The following CSMD3 variants were observed in gnomAD, a reference collection of about 807,000 sequenced individuals.
CSMD3 encodes the protein CUB and Sushi multiple domains 3, also known as CUB and sushi domain-containing protein 3.
A neutral mutation model predicts 435.2 loss-of-function variants in CSMD3; 177 were observed. That is an observed-to-expected ratio of 0.41 (90% CI 0.36 to 0.46). The LOEUF (loss-of-function observed/expected upper bound fraction) is 0.46, where lower values mean the gene tolerates loss of function less well. Ranked by LOEUF, CSMD3 falls within the 20% of genes least tolerant of loss-of-function variation. The pLI is 0.34. For synonymous variants in CSMD3, 1,656 were observed against 1,520.5 expected, an observed-to-expected ratio of 1.09 and a Z score of -2.07; for missense variants, 4,265 against 4,504.6, an observed-to-expected ratio of 0.95 and a Z score of 1.52.
At chr8:113,065,454 T>G (rs1260845404) in intron 5 of CSMD3, among the ~76,000 whole-genome samples, 1 of 152,100 alleles carries the variant, frequency 6.6e-6, no homozygotes, top group East Asian at 1.9e-4. Context: ...TGGCGCGATC[T>G]CGGTTCACTG....
intron 2 of CSMD3, among the ~76,000 whole-genome samples, chr8:113,289,983 A>G (rs772235684): frequency 6.6e-6 from 1 of 151,672 alleles, no homozygotes. Flanking sequence ...ATTATTTTTT[A>G]TGCATTTAAA....
chr8:113,218,805 A>AT (rs1330000138), intron 3 of CSMD3, among the ~76,000 whole-genome samples: 5 of 150,942 alleles, frequency 3.3e-5, no homozygotes, highest in Non-Finnish European at 5.9e-5. Context: ...TCATATTTCA[A>AT]TTTTTTTTCA....
intron 10 of CSMD3, among the ~76,000 whole-genome samples, chr8:112,888,495 C>A (rs188544702): frequency 1.2e-3 from 180 of 151,674 alleles, no homozygotes; most frequent in Middle Eastern, 6.8e-3. Flanking sequence ...CAATGGGGAA[C>A]AGGTGAGGCG....
chr8:113,268,115 G>T (rs192407766), intron 3 of CSMD3, among the ~76,000 whole-genome samples: 17 of 151,724 alleles, frequency 1.1e-4, no homozygotes, highest in Admixed American at 5.3e-4. Context: ...AAGTGACTAT[G>T]CATCTGTCAA....
rs147169992 is a variant in CSMD3 at position 112,294,398 on chromosome 8, T to A, written c.8614+1435A>T. ...TATAATTACAACATATTTACAGTAC[T>A]TATTTACTAATAATAATTTTAATAT... On this transcript the variant is annotated intron_variant, in intron 54 of 70. Transcript: ENST00000297405. Among the ~76,000 whole-genome samples the A allele has an allele frequency of 1.4e-3, 215 of 152,216 alleles. 1 individual carries two copies. The highest frequency in any genetic ancestry group is 4.6e-3 in the Admixed American group (70 of 15,282).
chr8:112,959,803 T>C (rs2084162532), intron 7 of CSMD3, among the ~76,000 whole-genome samples: 1 of 151,900 alleles, frequency 6.6e-6, no homozygotes, highest in Non-Finnish European at 1.5e-5. Flanking sequence ...CTATTGACAA[T>C]AGATTTATTT....
rs913427743 is a variant in CSMD3, at chr8:113,041,371, C to T, written c.918-22192G>A. On this transcript the variant is annotated intron_variant, in intron 5 of 70. Transcript: ENST00000297405. ...GGAAGAGAAATGTTAGAATTCCACT[C>T]TCACTTCTCATCCACCCTCGCCTTG... Among the ~76,000 whole-genome samples the T allele has an allele frequency of 5.9e-5, 9 of 152,020 alleles. No individual in the cohort carries two copies. In the South Asian group the frequency reaches 8.3e-4, roughly 14 times the overall value.
intron 13 of CSMD3, among the ~76,000 whole-genome samples, chr8:112,757,790 A>T (rs1587198065): frequency 6.6e-6 from 1 of 150,944 alleles, no homozygotes; most frequent in Non-Finnish European, 1.5e-5. Flanking sequence ...ATGGTGGCTC[A>T]CACCTGTAAT....
At position 112,526,224 on chromosome 8, in the gene CSMD3, G is replaced by A. The variant is rs138475545; in HGVS notation, c.4565-8999C>T. ...AATGAATAGCTATCAAAATGTAAAC[G>A]TTTTATTTTCAAAATCATTCAATAT... On this transcript the variant is annotated intron_variant, in intron 27 of 70. Coordinates refer to ENST00000297405, the MANE Select transcript of CSMD3 (RefSeq NM_198123.2). Among the ~76,000 whole-genome samples the A allele has an allele frequency of 1.1e-3, 167 of 151,858 alleles. 3 individuals are homozygous for A. The East Asian group carries it at 0.027, about 25-fold the overall frequency.
intron 3 of CSMD3, among the ~76,000 whole-genome samples, chr8:113,187,183 C>G (rs1049282350): frequency 6.6e-6 from 1 of 150,902 alleles, no homozygotes; most frequent in Admixed American, 6.6e-5. Context: ...TCCTTTTTCA[C>G]CCAGTAAATT....
intron 35 of CSMD3, among the ~76,000 whole-genome samples, chr8:112,398,345 G>A (rs1831027240): frequency 6.6e-6 from 1 of 152,102 alleles, no homozygotes; most frequent in Admixed American, 6.6e-5. Flanking sequence ...AGCTCTCACA[G>A]GTTAGAGTTG....
intron 21 of CSMD3, among the ~76,000 whole-genome samples, chr8:112,637,624 G>T (rs1341323722): frequency 1.3e-5 from 2 of 151,786 alleles, no homozygotes; most frequent in Non-Finnish European, 2.9e-5. Context: ...CAGTCTTCAG[G>T]GTATGAAAAG....
chr8:112,379,124 AT>A (rs1384681475), intron 38 of CSMD3, among the ~76,000 whole-genome samples: 1 of 152,200 alleles, frequency 6.6e-6, no homozygotes, highest in East Asian at 1.9e-4. Flanking sequence ...AAATAATAAA[AT>A]ACTTTAGAAT....
Position 113,368,393 on chromosome 8 carries a change from T to C in CSMD3, c.179-53600A>G, listed in dbSNP as rs11985821. The stretch of plus-strand genomic sequence containing the variant: ...TACTAGACTTATCACTGGTCTTCAG[T>C]CCCCAGAACTTTACACTTAGCAACA... On this transcript the variant is annotated intron_variant, in intron 1 of 70. Coordinates refer to ENST00000297405, the MANE Select transcript of CSMD3 (RefSeq NM_198123.2). Among the ~76,000 whole-genome samples the C allele has an allele frequency of 2.8e-3, 433 of 152,232 alleles. 2 individuals are homozygous for C. Among genetic ancestry groups the C allele is most frequent in the African/African-American group, 9.7e-3 (402 of 41,552 alleles).
chr8:112,750,037 C>T (rs1032469356), intron 13 of CSMD3, among the ~76,000 whole-genome samples: 5 of 151,896 alleles, frequency 3.3e-5, no homozygotes, highest in African/African-American at 1.2e-4. Flanking sequence ...AACCCCCTGA[C>T]AATAAAATTT....
intron 23 of CSMD3, among the ~76,000 whole-genome samples, chr8:112,580,418 C>A (rs552236353): frequency 6.6e-6 from 1 of 151,816 alleles, no homozygotes; most frequent in East Asian, 1.9e-4. Context: ...GACCTTGCAT[C>A]TTACCCTTTT....
At chr8:112,617,360 C>A (rs1198424658) in intron 22 of CSMD3, among the ~76,000 whole-genome samples, 1 of 152,078 alleles carries the variant, frequency 6.6e-6, no homozygotes, top group Admixed American at 6.6e-5. Context: ...TGGCCCAGGC[C>A]ATTATTAAAA....
intron 13 of CSMD3, among the ~76,000 whole-genome samples, chr8:112,703,043 A>C (rs2076423517): frequency 6.6e-6 from 1 of 152,152 alleles, no homozygotes; most frequent in Admixed American, 6.6e-5. Flanking sequence ...ACACACAAAA[A>C]ATTTAGCTAG....
chr8:113,120,948 A>T (rs1357603627), intron 4 of CSMD3, among the ~76,000 whole-genome samples: 12 of 152,144 alleles, frequency 7.9e-5, no homozygotes, highest in Admixed American at 7.9e-4. Flanking sequence ...GGCCTCAGAA[A>T]CAACAATGCT....
Sources: allele counts gnomAD v4.1 joint callset (sites outside exome capture counted in the v4.1 genomes callset), GRCh38; gene constraint gnomAD v4.1.1; transcripts MANE v1.5; gene names NCBI Gene and HGNC (gene_info 2026-07-23, HGNC 2026-07-21).